FAM171A1: variants seen among roughly 807,000 people sequenced by gnomAD.
FAM171A1 encodes family with sequence similarity 171 member A1.
Under a neutral mutation model 74.9 loss-of-function variants are expected in FAM171A1, and 23 were observed. The observed-to-expected ratio is 0.31, with a 90% CI of 0.22 to 0.44. FAM171A1 has a LOEUF of 0.44. Among genes scored for constraint, FAM171A1 ranks in the 20% least tolerant of loss-of-function variants. FAM171A1 has a pLI of 1.00. For missense variants in FAM171A1, 1,162 were observed against 1,159.2 expected, an observed-to-expected ratio of 1.00 and a Z score of -0.03; for synonymous variants, 527 against 505.7, an observed-to-expected ratio of 1.04 and a Z score of -0.57.
chr10:15,251,569 A>AT (rs1265182125), intron 4 of FAM171A1, among the ~76,000 whole-genome samples: 11 of 150,284 alleles, frequency 7.3e-5, no homozygotes, highest in African/African-American at 2.0e-4. Context: ...CTCCTTGCTA[A>AT]TTTTTTTTTC....
chr10:15,246,011 A>T (rs1342265514), intron 5 of FAM171A1, among the ~76,000 whole-genome samples: 1 of 152,146 alleles, frequency 6.6e-6, no homozygotes, highest in Non-Finnish European at 1.5e-5. Context: ...ACTCTTGGTC[A>T]CACATCCCTC....
intron 1 of FAM171A1, among the ~76,000 whole-genome samples, chr10:15,332,991 C>G (rs1275222280): frequency 6.6e-6 from 1 of 152,214 alleles, no homozygotes; most frequent in Non-Finnish European, 1.5e-5. Context: ...CCAAATACCT[C>G]CTATAGTGCA....
intron 1 of FAM171A1, among the ~76,000 whole-genome samples, chr10:15,354,523 T>C (rs1167410547): frequency 6.6e-6 from 1 of 151,656 alleles, no homozygotes; most frequent in African/African-American, 2.4e-5. Context: ...GGTGGAACTT[T>C]CAAGGCAATG....
chr10:15,293,409 C>A lies in FAM171A1; in HGVS notation c.98-9304G>T, dbSNP rs185490604. ...CAGCTGCTATATGCTTAGCATGATA[C>A]AAGGTACTGCAGGGAGATTAAAAAA... On this transcript the variant is annotated intron_variant, in intron 1 of 7. Coordinates refer to ENST00000378116, the MANE Select transcript of FAM171A1 (RefSeq NM_001010924.2). 1.2e-3 allele frequency among the ~76,000 whole-genome samples: 185 copies of A among 151,950 alleles called. 1 individual carries two copies. Among genetic ancestry groups the A allele is most frequent in the Middle Eastern group, 0.01 (3 of 294 alleles).
At chr10:15,215,586 G>A (rs745932345) in intron 7 of FAM171A1, among the ~76,000 whole-genome samples, 3 of 152,078 alleles carry the variant, frequency 2.0e-5, no homozygotes, top group Non-Finnish European at 2.9e-5. Flanking sequence ...GGCTGGTCTC[G>A]AACTTCTGAC....
At chr10:15,230,514 T>A (rs1285749404) in intron 5 of FAM171A1, among the ~76,000 whole-genome samples, 1 of 152,258 alleles carries the variant, frequency 6.6e-6, no homozygotes, top group Non-Finnish European at 1.5e-5. Flanking sequence ...AACGACCTTC[T>A]GTTTGAAGCA....
At position 15,262,597 on chromosome 10, in the gene FAM171A1, G is replaced by T. The variant is rs1191237690; in HGVS notation, c.419-7718C>A. Among the ~76,000 whole-genome samples, 4 of 152,204 alleles carry T rather than the reference G, an allele frequency of 2.6e-5. No homozygotes were observed. In the East Asian group the frequency reaches 7.7e-4, roughly 29 times the overall value. ...AGGGATTTCTAAGGAATCGTGTGAG[G>T]CAGCACAAAAGGGAGTTTAAAGACA... On this transcript the variant is annotated intron_variant, in intron 3 of 7. Coordinates refer to ENST00000378116, the MANE Select transcript of FAM171A1 (RefSeq NM_001010924.2).
intron 1 of FAM171A1, among the ~76,000 whole-genome samples, chr10:15,362,202 T>A (rs1185351640): frequency 6.6e-6 from 1 of 152,252 alleles, no homozygotes; most frequent in African/African-American, 2.4e-5. Flanking sequence ...CTTCCATCGT[T>A]ATTATTCAGA....
chr10:15,248,091 T>C (rs1834458313), intron 5 of FAM171A1, among the ~76,000 whole-genome samples: 1 of 152,210 alleles, frequency 6.6e-6, no homozygotes, highest in South Asian at 2.1e-4. Flanking sequence ...ACTGTTGTTT[T>C]AAGCAGCTAA....
chr10:15,214,758 C>CTT (rs1206537948), intron 7 of FAM171A1, among the ~76,000 whole-genome samples, 157 bp from the exon 8 acceptor site: 85 of 140,422 alleles, frequency 6.1e-4, no homozygotes, highest in East Asian at 8.4e-4. Flanking sequence ...CACGCCCTGT[C>CTT]TTTTTTTTTT....
At chr10:15,373,185 C>T (rs1019598678), upstream of FAM171A1, among the ~76,000 whole-genome samples, 2 of 152,184 alleles carry the variant, frequency 1.3e-5, no homozygotes, top group African/African-American at 2.4e-5. Flanking sequence ...ACCAATGCTG[C>T]AATTTGCGCA....
chr10:15,331,209 A>T (rs1272619209), intron 1 of FAM171A1, among the ~76,000 whole-genome samples: 1 of 152,054 alleles, frequency 6.6e-6, no homozygotes, highest in African/African-American at 2.4e-5. Context: ...TTTCACACAC[A>T]TGCATGCATA....
At chr10:15,339,055 A>G (rs1394445328) in intron 1 of FAM171A1, among the ~76,000 whole-genome samples, 2 of 152,150 alleles carry the variant, frequency 1.3e-5, no homozygotes, top group Admixed American at 6.6e-5. Flanking sequence ...TACAGTTTTG[A>G]GGGCAGCTGC....
At chr10:15,371,340 C>T (rs918165099), upstream of FAM171A1, among the ~76,000 whole-genome samples, 23 of 146,292 alleles carry the variant, frequency 1.6e-4, 1 homozygote, top group African/African-American at 5.1e-4. Context: ...CGCCCAGGCC[C>T]CGGGCCCGTG....
intron 2 of FAM171A1, among the ~76,000 whole-genome samples, chr10:15,283,571 T>A (rs1293967356): frequency 6.6e-6 from 1 of 152,154 alleles, no homozygotes; most frequent in Admixed American, 6.5e-5. Context: ...GGAATCTGTA[T>A]GTTTTTATTT....
At chr10:15,225,588 C>T (rs552097184) in intron 5 of FAM171A1, among the ~76,000 whole-genome samples, 28 of 152,316 alleles carry the variant, frequency 1.8e-4, no homozygotes, top group South Asian at 2.1e-4. Flanking sequence ...CAGACAGTTT[C>T]ACCACCGGAG....
chr10:15,284,343 T>G (rs1356073607), intron 1 of FAM171A1, among the ~76,000 whole-genome samples: 2 of 152,202 alleles, frequency 1.3e-5, no homozygotes, highest in African/African-American at 4.8e-5. Flanking sequence ...TCTTTACTAC[T>G]GCCTGCTCAA....
At chr10:15,324,822 C>T (rs765861236) in intron 1 of FAM171A1, among the ~76,000 whole-genome samples, 23 of 152,238 alleles carry the variant, frequency 1.5e-4, no homozygotes, top group Non-Finnish European at 2.9e-4. Flanking sequence ...GAAACCACAA[C>T]TTAGTCACGG....
intron 1 of FAM171A1, among the ~76,000 whole-genome samples, chr10:15,347,834 CAAAAAAAAA>C (rs71390034): frequency 3.3e-3 from 313 of 94,254 alleles, no homozygotes; most frequent in Middle Eastern, 6.4e-3. Context: ...GACTCCATCT[CAAAAAAAAA>C]AAAAAAAAAA....
Sources: allele counts gnomAD v4.1 joint callset (sites outside exome capture counted in the v4.1 genomes callset), GRCh38; gene constraint gnomAD v4.1.1; transcripts MANE v1.5; gene names NCBI Gene and HGNC (gene_info 2026-07-23, HGNC 2026-07-21).